RGS7: variants seen among roughly 807,000 people sequenced by gnomAD.
The protein encoded by RGS7 is regulator of G protein signaling 7.
RGS7 carries 27 observed loss-of-function variants against 81.1 expected under a neutral mutation model. The observed-to-expected ratio is 0.33, with a 90% CI of 0.25 to 0.46. The LOEUF (loss-of-function observed/expected upper bound fraction) is 0.46, where lower values mean the gene tolerates loss of function less well. Among genes scored for constraint, RGS7 ranks in the 20% least tolerant of loss-of-function variants. The pLI is 1.00. For synonymous variants in RGS7, 208 were observed against 207.7 expected (o/e 1.00, Z -0.01); for missense variants, 396 against 607.4 (o/e 0.65, Z 3.66).
chr1:241,241,000 C>T (rs918319049), intron 2 of RGS7, among the ~76,000 whole-genome samples: 6 of 152,078 alleles, frequency 3.9e-5, no homozygotes, highest in South Asian at 2.1e-4. Flanking sequence ...TTGCTCTCCT[C>T]GGCAGGCCAG....
At chr1:240,964,423 T>A (rs1286319561) in intron 4 of RGS7, among the ~76,000 whole-genome samples, 1 of 152,098 alleles carries the variant, frequency 6.6e-6, no homozygotes, top group Non-Finnish European at 1.5e-5. Context: ...ACGTGCAGAA[T>A]TTCAGATAGA....
In RGS7 at chr1:241,144,259, G is replaced by A. The variant is rs539275746; in HGVS notation, c.79-45497C>T. On this transcript the variant is annotated intron_variant, in intron 2 of 18. Transcript: ENST00000440928. This position sits in a 1 kb window ranked among gnomAD's most constrained non-coding sequence, Gnocchi z 4.7. ...TCCAAATTGACATACATGTGCTGGC[G>A]CATATGTTGTTTATTTCTCTGCTGT... Among the ~76,000 whole-genome samples the A allele has an allele frequency of 1.3e-5, 2 of 152,142 alleles. No individual in the cohort carries two copies. The highest frequency in any genetic ancestry group is 2.1e-4 in the South Asian group (1 of 4,812).
chr1:240,936,550 G>T, intron 5 of RGS7, 50 bp downstream of exon 5: 1 of 1,386,044 alleles, frequency 7.2e-7, no homozygotes, highest in South Asian at 1.2e-5. Flanking sequence ...ACTAACAAAC[G>T]AAATGCGGGC....
intron 17 of RGS7, among the ~76,000 whole-genome samples, chr1:240,801,005 T>G (rs1164397625): frequency 6.6e-6 from 1 of 152,042 alleles, no homozygotes; most frequent in Non-Finnish European, 1.5e-5. Flanking sequence ...TATAAAATCT[T>G]TAATTTTAAA....
chr1:241,350,200 C>T (rs1354126228), intron 2 of RGS7, among the ~76,000 whole-genome samples: 1 of 152,094 alleles, frequency 6.6e-6, no homozygotes, highest in South Asian at 2.1e-4. Flanking sequence ...TCATAAAATC[C>T]TTCTATCTAC....
At chr1:241,157,447 G>A (rs2069252774) in intron 2 of RGS7, among the ~76,000 whole-genome samples, 1 of 152,168 alleles carries the variant, frequency 6.6e-6, no homozygotes, top group Non-Finnish European at 1.5e-5. Flanking sequence ...CGCTCCCTGT[G>A]GTCAACCACC....
intron 2 of RGS7, among the ~76,000 whole-genome samples, chr1:241,339,343 A>G (rs1340361590): frequency 6.6e-6 from 1 of 152,234 alleles, no homozygotes; most frequent in East Asian, 1.9e-4. Context: ...GGCCTTGCAT[A>G]TAATAATTAT....
intron 3 of RGS7, among the ~76,000 whole-genome samples, chr1:241,072,288 G>A (rs1254200206): frequency 6.6e-6 from 1 of 152,226 alleles, no homozygotes; most frequent in Admixed American, 6.5e-5. Context: ...CAAAAGCCAT[G>A]TAGGCAAGAC....
chr1:241,296,356 C>A (rs1308617175), intron 2 of RGS7, among the ~76,000 whole-genome samples: 1 of 152,178 alleles, frequency 6.6e-6, no homozygotes, highest in Non-Finnish European at 1.5e-5. Context: ...ACAAGAGAGT[C>A]ACCCTTGATG....
chr1:240,796,448 A>G (rs940928500), intron 18 of RGS7, among the ~76,000 whole-genome samples: 3 of 152,104 alleles, frequency 2.0e-5, no homozygotes, highest in African/African-American at 7.2e-5. Flanking sequence ...TAGTTTGGGA[A>G]GCTGAGGTGG....
intron 2 of RGS7, among the ~76,000 whole-genome samples, chr1:241,246,229 GGAAAGGT>G (rs2076534415): frequency 6.6e-6 from 1 of 152,112 alleles, no homozygotes; most frequent in South Asian, 2.1e-4. Flanking sequence ...AAAAATAGCA[GGAAAGGT>G]ATGTAGGCCA....
At chr1:240,993,785 C>A (rs1686876434) in intron 3 of RGS7, among the ~76,000 whole-genome samples, 1 of 152,018 alleles carries the variant, frequency 6.6e-6, no homozygotes, top group African/African-American at 2.4e-5. Context: ...ACCAAGATAT[C>A]CAATAATTTC....
intron 2 of RGS7, among the ~76,000 whole-genome samples, chr1:241,198,905 C>T (rs1033944142): frequency 1.3e-5 from 2 of 152,052 alleles, no homozygotes; most frequent in East Asian, 1.9e-4. Flanking sequence ...CAATCATTGT[C>T]ATAAACCCGT....
chr1:240,923,569 A>T (rs1003664538), intron 6 of RGS7, among the ~76,000 whole-genome samples: 1 of 152,126 alleles, frequency 6.6e-6, no homozygotes, highest in East Asian at 1.9e-4. Flanking sequence ...TCAAAAACAG[A>T]CATGCAGGGA....
intron 6 of RGS7, among the ~76,000 whole-genome samples, chr1:240,912,457 G>A (rs2148257580): frequency 6.6e-6 from 1 of 152,146 alleles, no homozygotes; most frequent in Admixed American, 6.5e-5. Flanking sequence ...TAATTGGTTG[G>A]GAAAGAGGTC....
At chr1:241,258,754 A>G (rs1277242048) in intron 2 of RGS7, among the ~76,000 whole-genome samples, 1 of 152,182 alleles carries the variant, frequency 6.6e-6, no homozygotes, top group Non-Finnish European at 1.5e-5. Flanking sequence ...TTTAACAAGC[A>G]AAAATTCAGG....
chr1:240,888,321 G>T (rs1336928390), intron 6 of RGS7, among the ~76,000 whole-genome samples: 1 of 152,198 alleles, frequency 6.6e-6, no homozygotes, highest in Admixed American at 6.5e-5. Context: ...CAGTAAAGGG[G>T]TCTTATGTGG....
intron 18 of RGS7, among the ~76,000 whole-genome samples, chr1:240,781,043 A>C (rs1482955486): frequency 6.6e-6 from 1 of 152,092 alleles, no homozygotes; most frequent in Non-Finnish European, 1.5e-5. Flanking sequence ...AAAAAAAAAA[A>C]AACATGGTTC....
intron 2 of RGS7, among the ~76,000 whole-genome samples, chr1:241,326,958 AAGGAAGAG>A (rs2081533180): frequency 7.4e-6 from 1 of 134,842 alleles, no homozygotes; most frequent in African/African-American, 2.8e-5. Context: ...AGCAGGAAGG[AAGGAAGAG>A]AGAGAGAGAG....
Sources: allele counts gnomAD v4.1 joint callset (sites outside exome capture counted in the v4.1 genomes callset), GRCh38; gene constraint gnomAD v4.1.1; non-coding constraint Gnocchi (gnomAD v3.1); transcripts MANE v1.5; gene names NCBI Gene and HGNC (gene_info 2026-07-23, HGNC 2026-07-21).